The following MRPS27 variants were observed in gnomAD, a reference collection of about 807,000 sequenced individuals.
The protein encoded by MRPS27 is mitochondrial ribosomal protein S27.
Under a neutral mutation model 48.9 loss-of-function variants are expected in MRPS27, and 43 were observed. The ratio of observed to expected loss-of-function variants is 0.88; its 90% CI spans 0.69 to 1.13. The LOEUF is 1.13. MRPS27 is among the 50% of genes most tolerant of loss of function. The probability of loss-of-function intolerance (pLI) is 0.00; values close to 1 mark genes in which losing one functional copy is unlikely to be tolerated. For missense variants in MRPS27, 467 were observed against 476.3 expected, an observed-to-expected ratio of 0.98 and a Z score of 0.18; for synonymous variants, 188 against 171.9, an observed-to-expected ratio of 1.09 and a Z score of -0.73.
chr5:72,231,357 C>T (rs547731549), intron 7 of MRPS27, among the ~76,000 whole-genome samples: 1 of 152,156 alleles, frequency 6.6e-6, no homozygotes, highest in East Asian at 1.9e-4. Context: ...GAAATATTTC[C>T]TTAAGGAAGC....
intron 5 of MRPS27, among the ~76,000 whole-genome samples, chr5:72,236,894 TG>T (rs1210490006): frequency 4.6e-5 from 7 of 151,608 alleles, no homozygotes; most frequent in African/African-American, 1.7e-4. Flanking sequence ...TTCTCCAAGT[TG>T]TTTTTACTGT....
chr5:72,278,530 C>T (rs1749444353), intron 4 of MRPS27, among the ~76,000 whole-genome samples: 1 of 151,766 alleles, frequency 6.6e-6, no homozygotes, highest in South Asian at 2.1e-4. Context: ...ACAGTTGATG[C>T]TCCCTCATGT....
At chr5:72,319,530 G>A (rs1386028616) in intron 1 of MRPS27, among the ~76,000 whole-genome samples, 2 of 142,514 alleles carry the variant, frequency 1.4e-5, no homozygotes, top group Non-Finnish European at 3.0e-5. Flanking sequence ...ACACATTTAG[G>A]TTTTTCCTTT....
In MRPS27 at chr5:72,238,140, C is replaced by A. The variant is rs747173833; in HGVS notation, c.282-12G>T. ...GGCTGTGTCGAAACCTAAATAAGCACAAGAAGAGAGAAAACTGGTGTTAAC... is the reference window on the plus strand; with the variant it reads ...GGCTGTGTCGAAACCTAAATAAGCAAAAGAAGAGAGAAAACTGGTGTTAAC... On this transcript the variant is annotated splice_polypyrimidine_tract_variant and intron_variant, in intron 4 of 10. Coordinates refer to ENST00000261413, the MANE Select transcript of MRPS27 (RefSeq NM_015084.3). The A allele has an allele frequency of 3.1e-6, 5 of 1,589,992 alleles. No homozygotes were observed. In the Admixed American group the frequency reaches 6.7e-5, roughly 21 times the overall value.
At position 72,234,112 on chromosome 5, in the gene MRPS27, T is replaced by C. The variant is rs759509811; in HGVS notation, c.475+7A>G. On this transcript the variant is annotated splice_region_variant and intron_variant, in intron 6 of 10. Transcript: ENST00000261413. The stretch of plus-strand genomic sequence containing the variant: ...TATAAACACTGAATCTGGGGTTAGT[T>C]TCTTACCTTTGTAATTTTCTTTCTT... The C allele has an allele frequency of 6.6e-7, 1 of 1,506,804 alleles. No homozygotes were observed. The highest frequency in any genetic ancestry group is 1.4e-5 in the South Asian group (1 of 72,270). 93.3% of individuals were successfully genotyped at this position (1,506,804 alleles called of 1,614,324 possible).
chr5:72,261,184 C>A (rs1748961687), intron 4 of MRPS27, among the ~76,000 whole-genome samples: 1 of 152,020 alleles, frequency 6.6e-6, no homozygotes, highest in African/African-American at 2.4e-5. Context: ...TTAAATGGAA[C>A]CTTTTACGTT....
At chr5:72,253,648 A>G (rs1748722148) in intron 4 of MRPS27, among the ~76,000 whole-genome samples, 1 of 152,190 alleles carries the variant, frequency 6.6e-6, no homozygotes, top group South Asian at 2.1e-4. Flanking sequence ...TTAATCTAAA[A>G]TATTTTACTG....
chr5:72,236,535 A>G (rs920750709), intron 5 of MRPS27, among the ~76,000 whole-genome samples: 4 of 152,150 alleles, frequency 2.6e-5, no homozygotes, highest in African/African-American at 9.7e-5. Flanking sequence ...CTGTGACATT[A>G]CACTCTGAAC....
Position 72,255,530 on chromosome 5 carries a change from C to T in MRPS27, c.282-17402G>A, listed in dbSNP as rs1157023258. 2.6e-5 allele frequency among the ~76,000 whole-genome samples: 4 copies of T among 152,298 alleles called. No individual in the cohort carries two copies. The East Asian group carries it at 5.8e-4, about 22-fold the overall frequency. On this transcript the variant is annotated intron_variant, in intron 4 of 10. Coordinates refer to ENST00000261413, the MANE Select transcript of MRPS27 (RefSeq NM_015084.3). The stretch of plus-strand genomic sequence containing the variant: ...CCCATGCCTCACACAATTCTTTCCT[C>T]TTTAGTCCAAGCTGACAACATATAG...
chr5:72,280,972 A>C (rs1265039022), intron 4 of MRPS27, among the ~76,000 whole-genome samples: 1 of 152,334 alleles, frequency 6.6e-6, no homozygotes, highest in Middle Eastern at 3.4e-3. Flanking sequence ...GCTTCCCCCA[A>C]AATGTGATAT....
chr5:72,220,989 A>T lies in MRPS27; in HGVS notation c.1165T>A (p.Leu389Met). ...CTCTGTTGCTGTTCTCTCTGGATCA[A>T]CTGTACAAGGTCTAGATGCCACTGC... ...LQQWHLDLVQLIQREQQQREQ... is the reference protein window; with the variant it reads ...LQQWHLDLVQMIQREQQQREQ... Residue 389 changes from leucine (L) to methionine (M), a missense_variant, in exon 11 of 11, where the codon TTG becomes ATG. Leu to Met is a conservative substitution (Grantham distance 15, BLOSUM62 2). Coordinates refer to ENST00000261413, the MANE Select transcript of MRPS27 (RefSeq NM_015084.3). 6.2e-7 allele frequency: 1 copy of T among 1,614,090 alleles called. No individual in the cohort carries two copies. The highest frequency in any genetic ancestry group is 8.5e-7 in the Non-Finnish European group (1 of 1,180,006).
At chr5:72,259,075 A>T (rs140208466) in intron 4 of MRPS27, among the ~76,000 whole-genome samples, 5 of 152,164 alleles carry the variant, frequency 3.3e-5, no homozygotes, top group African/African-American at 1.2e-4. Flanking sequence ...CCATTGATTC[A>T]AGATCACTTA....
At chr5:72,302,467 T>A (rs997736530) in intron 2 of MRPS27, among the ~76,000 whole-genome samples, 2 of 152,190 alleles carry the variant, frequency 1.3e-5, no homozygotes, top group Non-Finnish European at 2.9e-5. Context: ...ACAAAAGAAG[T>A]CTTAGATGTT....
intron 2 of MRPS27, among the ~76,000 whole-genome samples, chr5:72,298,666 ACTGCAGTC>A (rs1476522936): frequency 7.0e-6 from 1 of 143,648 alleles, no homozygotes; most frequent in East Asian, 2.2e-4. Flanking sequence ...AGATTGCGCC[ACTGCAGTC>A]CGCAGTCCGG....
chr5:72,312,331 C>T (rs1750461509), intron 2 of MRPS27, among the ~76,000 whole-genome samples: 1 of 151,984 alleles, frequency 6.6e-6, no homozygotes, highest in African/African-American at 2.4e-5. Flanking sequence ...TGAGGGAAGA[C>T]ATACCTTTGA....
At chr5:72,293,360 TA>T (rs1277727745) in intron 4 of MRPS27, among the ~76,000 whole-genome samples, 7 of 151,214 alleles carry the variant, frequency 4.6e-5, no homozygotes, top group Non-Finnish European at 1.0e-4. Context: ...GAGAAAGAAC[TA>T]AGATAAACGA....
intron 4 of MRPS27, among the ~76,000 whole-genome samples, chr5:72,254,909 C>T (rs1243303726): frequency 6.6e-6 from 1 of 151,724 alleles, no homozygotes; most frequent in Non-Finnish European, 1.5e-5. Flanking sequence ...CTGTTCTTTT[C>T]TTCAGAGAAG....
chr5:72,296,464 G>A (rs1749982065), intron 3 of MRPS27, among the ~76,000 whole-genome samples: 1 of 152,174 alleles, frequency 6.6e-6, no homozygotes, highest in Admixed American at 6.5e-5. Context: ...TAGCCCCTCT[G>A]GGACTTGGTT....
intron 1 of MRPS27, chr5:72,319,879 C>T (rs1750701374): frequency 2.1e-6 from 1 of 478,808 alleles, no homozygotes; most frequent in East Asian, 3.9e-5. Flanking sequence ...GCACGACCAC[C>T]CCAACACATA....
Sources: allele counts gnomAD v4.1 joint callset (sites outside exome capture counted in the v4.1 genomes callset), GRCh38; gene constraint gnomAD v4.1.1; transcripts MANE v1.5; gene names NCBI Gene and HGNC (gene_info 2026-07-23, HGNC 2026-07-21).